Variants in EPSTI1 observed in about 807,000 individuals in gnomAD.
EPSTI1 encodes the protein epithelial stromal interaction 1.
A neutral mutation model predicts 49.9 loss-of-function variants in EPSTI1; 66 were observed. The observed-to-expected ratio is 1.32, with a 90% confidence interval of 1.08 to 1.62. The LOEUF (loss-of-function observed/expected upper bound fraction) is 1.62, where lower values mean the gene tolerates loss of function less well. Ranked by LOEUF, EPSTI1 falls within the 40% of genes most tolerant of loss-of-function variation. EPSTI1 has a pLI of 0.00. For synonymous variants in EPSTI1, 137 were observed against 130.7 expected, an observed-to-expected ratio of 1.05 and a Z score of -0.33; for missense variants, 394 against 365.5, an observed-to-expected ratio of 1.08 and a Z score of -0.64.
At chr13:42,895,814 T>G (rs1037148361) in intron 9 of EPSTI1, among the ~76,000 whole-genome samples, 1 of 152,166 alleles carries the variant, frequency 6.6e-6, no homozygotes, top group Non-Finnish European at 1.5e-5. Context: ...GGCACTGCAA[T>G]AGGTACCCTA....
intron 6 of EPSTI1, among the ~76,000 whole-genome samples, chr13:42,952,364 C>T (rs902823475): frequency 2.0e-5 from 3 of 152,128 alleles, no homozygotes; most frequent in Admixed American, 1.3e-4. Flanking sequence ...TTGAAGTGAG[C>T]GAGTCCAAGA....
At chr13:42,971,955 CAATT>C (rs1203644987) in intron 1 of EPSTI1, among the ~76,000 whole-genome samples, 1 of 152,190 alleles carries the variant, frequency 6.6e-6, no homozygotes, top group Non-Finnish European at 1.5e-5. Context: ...CTGCCACTGG[CAATT>C]AATCCCTTGT....
intron 1 of EPSTI1, among the ~76,000 whole-genome samples, chr13:42,980,993 C>T (rs1350130068): frequency 6.6e-6 from 1 of 152,136 alleles, no homozygotes; most frequent in Non-Finnish European, 1.5e-5. Context: ...TAGGTTTCTG[C>T]TTTCACTAGT....
intron 2 of EPSTI1, 86 bp downstream of exon 2, chr13:42,970,526 G>T: frequency 8.1e-7 from 1 of 1,237,596 alleles, no homozygotes. Context: ...CTATATAAAT[G>T]AGAAAATAAA....
chr13:42,951,818 G>A (rs767003870), intron 6 of EPSTI1, among the ~76,000 whole-genome samples: 9 of 152,172 alleles, frequency 5.9e-5, no homozygotes, highest in Non-Finnish European at 1.2e-4. Flanking sequence ...TGTAAAACTA[G>A]TATGCCACAA....
chr13:42,946,513 C>T (rs538667686), intron 6 of EPSTI1, among the ~76,000 whole-genome samples: 5 of 152,274 alleles, frequency 3.3e-5, no homozygotes, highest in Admixed American at 1.3e-4. Context: ...AGTTTAATTA[C>T]GGTACTAATC....
At chr13:42,909,663 G>GA (rs944324450) in intron 8 of EPSTI1, among the ~76,000 whole-genome samples, 98 of 151,938 alleles carry the variant, frequency 6.4e-4, no homozygotes, top group African/African-American at 2.3e-3. Flanking sequence ...TATGTTAAAT[G>GA]AAATAAGCCA....
In EPSTI1 at chr13:42,969,195, T is replaced by C; in HGVS notation, c.248-18A>G. 1.2e-6 allele frequency: 2 copies of C among 1,611,944 alleles called. No individual in the cohort carries two copies. Among genetic ancestry groups the C allele is most frequent in the Non-Finnish European group, 8.5e-7 (1 of 1,179,180 alleles). Reference sequence around the variant, plus strand: ...CTCCGCAACTAAGCCAGGCGAGAAATATCAAATCGTCAATTATTAGACTTC... The same window carrying C: ...CTCCGCAACTAAGCCAGGCGAGAAACATCAAATCGTCAATTATTAGACTTC... On this transcript the variant is annotated intron_variant, in intron 2 of 10. Coordinates refer to ENST00000313624, the MANE Select transcript of EPSTI1 (RefSeq NM_033255.5).
chr13:42,917,499 CAAAT>C (rs1413277185), intron 8 of EPSTI1, 38 bp downstream of exon 8: 5 of 1,506,082 alleles, frequency 3.3e-6, no homozygotes, highest in Admixed American at 3.6e-5. Context: ...TCTAGTACCT[CAAAT>C]AAACAGTTAG....
intron 1 of EPSTI1, among the ~76,000 whole-genome samples, chr13:42,984,150 C>A (rs956404717): frequency 1.3e-5 from 2 of 152,160 alleles, no homozygotes; most frequent in African/African-American, 2.4e-5. Flanking sequence ...GAATAACCAT[C>A]TATATTGAGC....
intron 6 of EPSTI1, among the ~76,000 whole-genome samples, chr13:42,930,750 T>C (rs1463077089): frequency 2.0e-5 from 3 of 152,086 alleles, no homozygotes; most frequent in Non-Finnish European, 4.4e-5. Context: ...AAAGTGAAGG[T>C]CCTACTTAAT....
chr13:42,893,891 T>C (rs1020431723), intron 10 of EPSTI1, among the ~76,000 whole-genome samples: 36 of 152,206 alleles, frequency 2.4e-4, no homozygotes, highest in African/African-American at 8.2e-4. Flanking sequence ...CACATACTGT[T>C]ACAAGACACT....
chr13:42,938,062 A>G lies in EPSTI1; in HGVS notation c.564-11633T>C, dbSNP rs139921440. Among the ~76,000 whole-genome samples, 721 of 152,226 alleles carry G rather than the reference A, an allele frequency of 4.7e-3. 5 individuals are homozygous for G. The highest frequency in any genetic ancestry group is 0.016 in the African/African-American group (652 of 41,548). ...TATATCTTCCAGGCATCTCAAAGTT[A>G]GCATGTTTGACCTTGAACTTTTGAT... On this transcript the variant is annotated intron_variant, in intron 6 of 10. Transcript: ENST00000313624.
At chr13:42,926,990 GACACACACACACACACACACACAC>G (rs10529424) in intron 6 of EPSTI1, among the ~76,000 whole-genome samples, 2 of 144,610 alleles carry the variant, frequency 1.4e-5, no homozygotes, top group East Asian at 4.1e-4. Flanking sequence ...TCTGTTAACA[GACACACACACACACACACACACAC>G]ACACACACAC....
chr13:42,897,796 T>C (rs756880464), intron 9 of EPSTI1, among the ~76,000 whole-genome samples: 3 of 152,184 alleles, frequency 2.0e-5, no homozygotes, highest in Non-Finnish European at 4.4e-5. Context: ...AAAGAGTTTG[T>C]TTCTCTCAAT....
chr13:42,975,770 G>A (rs1490446543), intron 1 of EPSTI1, among the ~76,000 whole-genome samples: 1 of 151,936 alleles, frequency 6.6e-6, no homozygotes, highest in East Asian at 1.9e-4. Flanking sequence ...CTGAGATGAT[G>A]TATTTCTTCA....
Position 42,992,084 on chromosome 13 carries a change from A to T in EPSTI1, c.82T>A (p.Ser28Thr). 6.2e-7 allele frequency: 1 copy of T among 1,613,210 alleles called. No homozygotes were observed. Among genetic ancestry groups the T allele is most frequent in the Non-Finnish European group, 8.5e-7 (1 of 1,179,990 alleles). ...GGGCTCAGCTCCCCTTGCCGCCCAG[A>T]AGGGTCCTGGGGATCCCGGGTCGGG... Reference protein sequence around the residue: ...SRPTRDPQDPSGRQGELSPVE... With the variant: ...SRPTRDPQDPTGRQGELSPVE... The change falls in exon 1 of 11, where the codon TCT (serine) becomes ACT (threonine). Residue 28 changes from serine to threonine, a missense_variant. Physicochemically the swap from Ser to Thr is moderately conservative, Grantham distance 58. Transcript: ENST00000313624.
At chr13:42,974,386 G>A (rs368022035) in intron 1 of EPSTI1, among the ~76,000 whole-genome samples, 4 of 152,108 alleles carry the variant, frequency 2.6e-5, no homozygotes, top group Non-Finnish European at 1.5e-5. Context: ...GGCCGGGCGC[G>A]GTGGCTCACG....
In EPSTI1 at chr13:42,931,109, T is replaced by C. The variant is rs151209495; in HGVS notation, c.564-4680A>G. Among the ~76,000 whole-genome samples the C allele has an allele frequency of 4.7e-4, 71 of 152,092 alleles. 1 individual carries two copies. The East Asian group carries it at 0.012, about 27-fold the overall frequency. ...CTCTCACAGCATTCTTAATACTCTTTCCTCCTTCTATCTGATGATGGTATC... is the reference window on the plus strand; with the variant it reads ...CTCTCACAGCATTCTTAATACTCTTCCCTCCTTCTATCTGATGATGGTATC... On this transcript the variant is annotated intron_variant, in intron 6 of 10. Coordinates refer to ENST00000313624, the MANE Select transcript of EPSTI1 (RefSeq NM_033255.5).
Sources: gnomAD v4.1 joint callset for allele counts (sites outside exome capture counted in the v4.1 genomes callset) on GRCh38, gnomAD v4.1.1 for gene constraint, MANE v1.5 for transcripts, NCBI Gene and HGNC (gene_info 2026-07-23, HGNC 2026-07-21) for gene names.